Variants in SCHIP1 observed in about 807,000 individuals in gnomAD.
SCHIP1 encodes schwannomin interacting protein 1, also known as schwannomin-interacting protein 1.
Under a neutral mutation model 29.7 loss-of-function variants are expected in SCHIP1, and 8 were observed. The observed-to-expected ratio is 0.27, with a 90% CI of 0.16 to 0.49. The LOEUF is 0.49. Among genes scored for constraint, SCHIP1 ranks in the 20% least tolerant of loss-of-function variants. SCHIP1 has a pLI of 0.99. For synonymous variants in SCHIP1, 76 were observed against 94.9 expected, an observed-to-expected ratio of 0.80 and a Z score of 1.16; for missense variants, 193 against 294.6, an observed-to-expected ratio of 0.66 and a Z score of 2.52.
At chr3:159,765,112 G>C in the SCHIP1 span, 35 of 1,568,700 alleles carry the variant, frequency 2.2e-5, no homozygotes, top group African/African-American at 5.4e-5. Flanking sequence ...ACGGAACCAG[G>C]GCCAGGCGAG....
chr3:159,310,223 G>T, the SCHIP1 span, among the ~76,000 whole-genome samples: 1 of 152,098 alleles, frequency 6.6e-6, no homozygotes, highest in African/African-American at 2.4e-5. Context: ...TTAACAGCAG[G>T]AGATACATGG....
At chr3:159,716,970 T>C in the SCHIP1 span, among the ~76,000 whole-genome samples, 1 of 152,198 alleles carries the variant, frequency 6.6e-6, no homozygotes, top group Non-Finnish European at 1.5e-5. Context: ...TATTCCAATA[T>C]TGACCACATT....
the SCHIP1 span, among the ~76,000 whole-genome samples, chr3:159,513,611 T>A: frequency 6.6e-6 from 1 of 152,132 alleles, no homozygotes; most frequent in Admixed American, 6.5e-5. Flanking sequence ...CCAGCCCGGC[T>A]GCCACTCAGT....
the SCHIP1 span, among the ~76,000 whole-genome samples, chr3:159,710,172 G>C: frequency 6.7e-6 from 1 of 150,246 alleles, no homozygotes; most frequent in Non-Finnish European, 1.5e-5. Context: ...CAACAGCCAA[G>C]ATATAGAACC....
the SCHIP1 span, among the ~76,000 whole-genome samples, chr3:159,772,705 C>T: frequency 2.0e-4 from 31 of 152,286 alleles, no homozygotes; most frequent in South Asian, 6.4e-3. Flanking sequence ...TTCTTAAAAG[C>T]TTATCCAAAT....
chr3:159,791,105 G>A, the SCHIP1 span, among the ~76,000 whole-genome samples: 1 of 152,100 alleles, frequency 6.6e-6, no homozygotes, highest in Admixed American at 6.6e-5. Context: ...AAGGGGATAA[G>A]GTGGCCCTGG....
the SCHIP1 span, among the ~76,000 whole-genome samples, chr3:159,289,883 G>A: frequency 1.6e-4 from 24 of 152,308 alleles, no homozygotes; most frequent in South Asian, 8.3e-4. Context: ...TAAGATAGAC[G>A]GAAAATCTTG....
At chr3:159,405,001 G>T in the SCHIP1 span, among the ~76,000 whole-genome samples, 1 of 152,176 alleles carries the variant, frequency 6.6e-6, no homozygotes, top group Non-Finnish European at 1.5e-5. Context: ...GCTTGGTAAT[G>T]CAGATGATTC....
At chr3:159,871,251 A>T (rs528338900) in intron 2 of SCHIP1, among the ~76,000 whole-genome samples, 1 of 149,352 alleles carries the variant, frequency 6.7e-6, no homozygotes, top group South Asian at 2.1e-4. Flanking sequence ...GGCATGCATC[A>T]TCTGCTTAGA....
the SCHIP1 span, among the ~76,000 whole-genome samples, chr3:159,392,985 A>C: frequency 2.6e-5 from 4 of 152,102 alleles, no homozygotes; most frequent in African/African-American, 9.7e-5. Context: ...TTGTTTCCTG[A>C]CTTTTTAATG....
the SCHIP1 span, among the ~76,000 whole-genome samples, chr3:159,515,200 A>C: frequency 6.7e-6 from 1 of 148,254 alleles, no homozygotes; most frequent in Non-Finnish European, 1.5e-5. Flanking sequence ...GTGGTTATTA[A>C]AAAAAAAAAA....
chr3:159,895,225 G>A (rs781237402), intron 6 of SCHIP1, among the ~76,000 whole-genome samples: 1 of 152,174 alleles, frequency 6.6e-6, no homozygotes, highest in Non-Finnish European at 1.5e-5. Context: ...TTTTTCCTGA[G>A]TACCTTTATT....
the SCHIP1 span, among the ~76,000 whole-genome samples, chr3:159,463,342 T>C: frequency 6.6e-6 from 1 of 152,138 alleles, no homozygotes; most frequent in Non-Finnish European, 1.5e-5. Flanking sequence ...TTAGTTGATA[T>C]TTACTTTGTT....
At chr3:159,440,434 T>G in the SCHIP1 span, among the ~76,000 whole-genome samples, 1 of 152,152 alleles carries the variant, frequency 6.6e-6, no homozygotes, top group Non-Finnish European at 1.5e-5. Context: ...CTCATTGTTT[T>G]CTGCCTGGTG....
the SCHIP1 span, among the ~76,000 whole-genome samples, chr3:159,806,799 C>A: frequency 1.3e-5 from 2 of 152,206 alleles, no homozygotes; most frequent in Non-Finnish European, 2.9e-5. Flanking sequence ...CATGCACCAT[C>A]TTTCTTTTCC....
At chr3:159,448,041 G>A in the SCHIP1 span, among the ~76,000 whole-genome samples, 2 of 152,286 alleles carry the variant, frequency 1.3e-5, no homozygotes, top group South Asian at 2.1e-4. Context: ...CCTGGCTCCA[G>A]TGTTGGCTGG....
chr3:159,483,587 C>G, the SCHIP1 span, among the ~76,000 whole-genome samples: 3 of 152,058 alleles, frequency 2.0e-5, no homozygotes, highest in Non-Finnish European at 4.4e-5. Context: ...TCAAAGTTTC[C>G]AGAAAGATTA....
chr3:159,773,896 G>T, the SCHIP1 span, among the ~76,000 whole-genome samples: 1 of 152,160 alleles, frequency 6.6e-6, no homozygotes, highest in Non-Finnish European at 1.5e-5. Flanking sequence ...CCAAGAAAAG[G>T]CTAGTAGGAA....
chr3:159,598,457 G>A, the SCHIP1 span, among the ~76,000 whole-genome samples: 7 of 152,242 alleles, frequency 4.6e-5, no homozygotes, highest in East Asian at 1.2e-3. Context: ...AGGGGCTATT[G>A]GCTCCATGCA....
Sources: gnomAD v4.1 joint callset for allele counts (sites outside exome capture counted in the v4.1 genomes callset) on GRCh38, gnomAD v4.1.1 for gene constraint, MANE v1.5 for transcripts, NCBI Gene and HGNC (gene_info 2026-07-23, HGNC 2026-07-21) for gene names.